ZNF70: variants seen among roughly 807,000 people sequenced by gnomAD.
The protein encoded by ZNF70 is zinc finger protein N27C7-1.
A neutral mutation model predicts 37.7 loss-of-function variants in ZNF70; 18 were observed. The ratio of observed to expected loss-of-function variants is 0.48; its 90% CI spans 0.33 to 0.71. The LOEUF (loss-of-function observed/expected upper bound fraction) is 0.71. Ranked by LOEUF, ZNF70 falls within the 30% of genes least tolerant of loss-of-function variation. The pLI, the probability that ZNF70 is intolerant of heterozygous loss-of-function variation, is 0.02. For synonymous variants in ZNF70, 219 were observed against 220.1 expected (o/e 0.99, Z 0.05); for missense variants, 506 against 568.6 (o/e 0.89, Z 1.12).
chr22:23,744,787 T>C lies in ZNF70; in HGVS notation c.354A>G (p.Ala118=). ...HSEEPSPCDC[A]ETDRGDSGPN... ...GTCCTGAGTCCCCTCTGTCTGTTTC[T>C]GCACAATCGCATGGACTGGGCTCTT... The change falls in exon 2 of 2, where the codon GCA becomes GCG. Residue 118 remains alanine (A), a synonymous_variant. Coordinates refer to ENST00000341976, the MANE Select transcript of ZNF70 (RefSeq NM_021916.4). 6.2e-7 allele frequency: 1 copy of C among 1,614,238 alleles called. No homozygotes were observed. The highest frequency in any genetic ancestry group is 2.2e-5 in the East Asian group (1 of 44,888).
At position 23,743,736 on chromosome 22, in the gene ZNF70, C is replaced by T; in HGVS notation, c.*64G>A. 6.5e-7 allele frequency: 1 copy of T among 1,547,280 alleles called. No homozygotes were observed. Among genetic ancestry groups the T allele is most frequent in the Non-Finnish European group, 8.7e-7 (1 of 1,150,066 alleles). ...GGGAGGTAGGTGGGGTCTTGGAGAC[C>T]ACGCGACGTGGAATAAAGGCTCCAT... On this transcript the variant is annotated 3_prime_UTR_variant, in exon 2 of 2. Coordinates refer to ENST00000341976, the MANE Select transcript of ZNF70 (RefSeq NM_021916.4).
chr22:23,749,592 C>A (rs1925257248), intron 1 of ZNF70, among the ~76,000 whole-genome samples: 1 of 150,212 alleles, frequency 6.7e-6, no homozygotes, highest in African/African-American at 2.5e-5. Flanking sequence ...ACGTGCCACA[C>A]CTGGCTAATT....
intron 1 of ZNF70, among the ~76,000 whole-genome samples, chr22:23,748,565 G>A (rs1925210692): frequency 6.9e-6 from 1 of 144,096 alleles, no homozygotes; most frequent in Non-Finnish European, 1.5e-5. Context: ...TTTTTTTGAG[G>A]TGGAGTCTCA....
At chr22:23,747,796 C>A (rs1488914425) in intron 1 of ZNF70, among the ~76,000 whole-genome samples, 2 of 152,018 alleles carry the variant, frequency 1.3e-5, no homozygotes, top group Non-Finnish European at 2.9e-5. Context: ...TGCACACCAG[C>A]CTGGGCAACA....
rs1425588462 is a variant in ZNF70 at position 23,740,429 on chromosome 22, T to C, written c.*3371A>G. 6.6e-6 allele frequency: 1 copy of C among 152,006 alleles called. No homozygotes were observed. The highest frequency in any genetic ancestry group is 1.5e-5 in the Non-Finnish European group (1 of 68,014). The allele number at this position is 152,006 out of a possible 1,614,324, so 9.4% of individuals were successfully genotyped here. A position where few individuals can be genotyped will look rare whatever the true frequency, so the allele number is the denominator to read the frequency against. On this transcript the variant is annotated 3_prime_UTR_variant, in exon 2 of 2. Coordinates refer to ENST00000341976, the MANE Select transcript of ZNF70 (RefSeq NM_021916.4). ...ATGATCTTTTATAACTTTACACTGT[T>C]TGAGAATCTAAATAGAATGAGAGAG...
rs142062441 is a variant in ZNF70 at position 23,744,480 on chromosome 22, T to C, written c.661A>G (p.Lys221Glu). 5 of 1,613,342 alleles carry C rather than the reference T, an allele frequency of 3.1e-6. No individual in the cohort carries two copies. Among genetic ancestry groups the C allele is most frequent in the Non-Finnish European group, 3.4e-6 (4 of 1,179,868 alleles). ...CATTCCCTGCACTCGTAGGGCCTCT[T>C]TCCGGTGTGGATCTTTTGGTGTTGC... is the stretch of plus-strand genomic sequence containing the variant. ...LTQHQKIHTG[K>E]RPYECRECGK... The change falls in exon 2 of 2, where the codon AAG becomes GAG. Residue 221 changes from lysine (K) to glutamate (E), a missense_variant. Coordinates refer to ENST00000341976, the MANE Select transcript of ZNF70 (RefSeq NM_021916.4).
intron 1 of ZNF70, among the ~76,000 whole-genome samples, chr22:23,747,928 G>C (rs932234682): frequency 1.3e-5 from 2 of 152,146 alleles, no homozygotes; most frequent in Admixed American, 6.6e-5. Flanking sequence ...AAGGAAGCTA[G>C]AACAGCCCAC....
At chr22:23,749,278 G>C (rs1329398838) in intron 1 of ZNF70, among the ~76,000 whole-genome samples, 2 of 149,130 alleles carry the variant, frequency 1.3e-5, no homozygotes, top group Non-Finnish European at 3.0e-5. Context: ...GAACCTGGGG[G>C]GCGGAGGTTG....
Position 23,750,710 on chromosome 22 carries a change from C to A in ZNF70, c.-80+1G>T, listed in dbSNP as rs1020520994. 6.6e-6 allele frequency: 1 copy of A among 152,494 alleles called. No individual in the cohort carries two copies. Among genetic ancestry groups the A allele is most frequent in the African/African-American group, 2.4e-5 (1 of 41,474 alleles). 9.4% of individuals were successfully genotyped at this position (152,494 alleles called of 1,614,324 possible). On this transcript the variant is annotated splice_donor_variant, in intron 1 of 1. Coordinates refer to ENST00000341976, the MANE Select transcript of ZNF70 (RefSeq NM_021916.4). LOFTEE classifies it low-confidence loss of function (5UTR_SPLICE). The stretch of plus-strand genomic sequence containing the variant: ...AAGATCTGGAACTCCATGCTTCCCA[C>A]CTCTGTCGGGGCCTTCTCCGGGTCC...
rs1924900644 is a variant in ZNF70, at chr22:23,742,307, C to T, written c.*1493G>A. 6.6e-6 allele frequency: 1 copy of T among 152,222 alleles called. No homozygotes were observed. The highest frequency in any genetic ancestry group is 2.1e-4 in the South Asian group (1 of 4,836). The allele number at this position is 152,222 out of a possible 1,614,324, so 9.4% of individuals were successfully genotyped here. On this transcript the variant is annotated 3_prime_UTR_variant, in exon 2 of 2. Transcript: ENST00000341976. ...CTGCACACTAGGAAGTTATAATCAC[C>T]TGGGGAGCTTTAAAACATGCCACCA...
At position 23,743,740 on chromosome 22, in the gene ZNF70, C is replaced by T. The variant is rs369725190; in HGVS notation, c.*60G>A. On this transcript the variant is annotated 3_prime_UTR_variant, in exon 2 of 2. Transcript: ENST00000341976. The stretch of plus-strand genomic sequence containing the variant: ...GGTAGGTGGGGTCTTGGAGACCACG[C>T]GACGTGGAATAAAGGCTCCATCTGG... 6.0e-5 allele frequency: 93 copies of T among 1,552,184 alleles called. No individual in the cohort carries two copies. The highest frequency in any genetic ancestry group is 1.3e-4 in the East Asian group (6 of 44,496).
chr22:23,739,354 C>A lies in ZNF70; in HGVS notation c.*4446G>T, dbSNP rs566457542. ...GCAGTGGCACCACCTCGGCTCACTG[C>A]AAGCTCTGCCTCCCGGGTTCACACC... On this transcript the variant is annotated 3_prime_UTR_variant, in exon 2 of 2. Transcript: ENST00000341976. The A allele has an allele frequency of 6.6e-6, 1 of 152,292 alleles. No individual in the cohort carries two copies. The highest frequency in any genetic ancestry group is 6.5e-5 in the Admixed American group (1 of 15,288). 9.4% of individuals were successfully genotyped at this position (152,292 alleles called of 1,614,324 possible). A position where few individuals can be genotyped will look rare whatever the true frequency, so the allele number is the denominator to read the frequency against.
Position 23,740,138 on chromosome 22 carries a change from G to T in ZNF70, c.*3662C>A, listed in dbSNP as rs376003843. On this transcript the variant is annotated 3_prime_UTR_variant, in exon 2 of 2. Coordinates refer to ENST00000341976, the MANE Select transcript of ZNF70 (RefSeq NM_021916.4). Reference sequence around the variant, plus strand: ...ATCTTGGCTAACACGGTGAAACCCCGTCTCTATTAAAAATACAAAAAATTA... The same window carrying T: ...ATCTTGGCTAACACGGTGAAACCCCTTCTCTATTAAAAATACAAAAAATTA... The T allele has an allele frequency of 6.6e-6, 1 of 150,764 alleles. No individual in the cohort carries two copies. The highest frequency in any genetic ancestry group is 2.4e-5 in the African/African-American group (1 of 41,114). 9.3% of individuals were successfully genotyped at this position (150,764 alleles called of 1,614,324 possible).
At chr22:23,749,980 C>T (rs1390057515) in intron 1 of ZNF70, among the ~76,000 whole-genome samples, 1 of 152,188 alleles carries the variant, frequency 6.6e-6, no homozygotes, top group Non-Finnish European at 1.5e-5. Context: ...CTCCTCACCT[C>T]CTCGTCCGGC....
intron 1 of ZNF70, among the ~76,000 whole-genome samples, chr22:23,745,773 A>T (rs1343299849): frequency 6.6e-6 from 1 of 151,512 alleles, no homozygotes; most frequent in African/African-American, 2.4e-5. Context: ...TCTATCTCAA[A>T]CAACAACAAC....
chr22:23,740,775 A>C lies in ZNF70; in HGVS notation c.*3025T>G, dbSNP rs888167766. On this transcript the variant is annotated 3_prime_UTR_variant, in exon 2 of 2. Transcript: ENST00000341976. Reference sequence around the variant, plus strand: ...CTGTCTCAAAAAAAAAAAAAAAAAAAAAAAAACTAATAAAACAAGGAAAGA... The same window carrying C: ...CTGTCTCAAAAAAAAAAAAAAAAAACAAAAAACTAATAAAACAAGGAAAGA... 7.9e-5 allele frequency: 12 copies of C among 152,002 alleles called. No homozygotes were observed. The highest frequency in any genetic ancestry group is 4.1e-4 in the South Asian group (2 of 4,824). 9.4% of individuals were successfully genotyped at this position (152,002 alleles called of 1,614,324 possible).
chr22:23,747,813 G>A (rs897473863), intron 1 of ZNF70, among the ~76,000 whole-genome samples: 3 of 152,074 alleles, frequency 2.0e-5, no homozygotes, highest in Admixed American at 2.0e-4. Context: ...AACAGAGTGA[G>A]ACTCCGTCTC....
In ZNF70 at chr22:23,743,600, C is replaced by T; in HGVS notation, c.*200G>A. 1 of 662,042 alleles carries T rather than the reference C, an allele frequency of 1.5e-6. No individual in the cohort carries two copies. The highest frequency in any genetic ancestry group is 2.4e-6 in the Non-Finnish European group (1 of 410,378). The allele number at this position is 662,042 out of a possible 1,614,324, so 41.0% of individuals were successfully genotyped here. ...CTCCCTATCACCCCACCTTCCCTTC[C>T]ATGCAGAAAACCTGCTGAGAGCTGG... On this transcript the variant is annotated 3_prime_UTR_variant, in exon 2 of 2. Coordinates refer to ENST00000341976, the MANE Select transcript of ZNF70 (RefSeq NM_021916.4).
intron 1 of ZNF70, among the ~76,000 whole-genome samples, chr22:23,750,304 G>A (rs140981886): frequency 6.6e-6 from 1 of 152,192 alleles, no homozygotes; most frequent in Non-Finnish European, 1.5e-5. Flanking sequence ...GGCTTTTCCT[G>A]TTCATTTTCC....
Sources: allele counts gnomAD v4.1 joint callset (sites outside exome capture counted in the v4.1 genomes callset), GRCh38; gene constraint gnomAD v4.1.1; transcripts MANE v1.5; gene names NCBI Gene and HGNC (gene_info 2026-07-23, HGNC 2026-07-21).